Variants in C11orf65 observed in about 807,000 individuals in gnomAD.
C11orf65 encodes the protein protein MFI.
A neutral mutation model predicts 35.3 loss-of-function variants in C11orf65; 38 were observed. That is an observed-to-expected ratio of 1.08 (90% confidence interval 0.83 to 1.41). The LOEUF (loss-of-function observed/expected upper bound fraction) is 1.41, where lower values mean the gene tolerates loss of function less well. Among genes scored for constraint, C11orf65 ranks in the 40% most tolerant of loss-of-function variants. The pLI, the probability that C11orf65 is intolerant of heterozygous loss-of-function variation, is 0.00. For missense variants in C11orf65, 370 were observed against 367.1 expected, an observed-to-expected ratio of 1.01 and a Z score of -0.06; for synonymous variants, 105 against 114.4, an observed-to-expected ratio of 0.92 and a Z score of 0.53.
chr11:108,417,044 T>C (rs1182398436), intron 3 of C11orf65, among the ~76,000 whole-genome samples: 1 of 152,104 alleles, frequency 6.6e-6, no homozygotes, highest in Non-Finnish European at 1.5e-5. Flanking sequence ...AATGATAATA[T>C]ATAGAGAAAA....
chr11:108,381,974 A>G (rs1300451901), downstream of C11orf65, among the ~76,000 whole-genome samples: 1 of 151,964 alleles, frequency 6.6e-6, no homozygotes, highest in African/African-American at 2.4e-5. Flanking sequence ...TTGCTCAGCC[A>G]TGTTATGAGG....
rs58216238 is a variant in C11orf65 at position 108,459,977 on chromosome 11, AAAG to A, written c.81+1499_81+1501del. Among the ~76,000 whole-genome samples the A allele has an allele frequency of 5.8e-3, 886 of 152,298 alleles. 7 individuals carry two copies. Among genetic ancestry groups the A allele is most frequent in the African/African-American group, 0.017 (719 of 41,560 alleles). On this transcript the variant is annotated intron_variant, in intron 2 of 8. Coordinates refer to ENST00000393084, the MANE Select transcript of C11orf65 (RefSeq NM_152587.5). The stretch of plus-strand genomic sequence containing the variant: ...ACCAACTAAGGAAGAATAAGTTTTA[AAAG>A]AAGATTAGCTGGGTATAACAGTGCT...
chr11:108,438,289 C>T (rs576614297), intron 2 of C11orf65, among the ~76,000 whole-genome samples: 17 of 152,240 alleles, frequency 1.1e-4, no homozygotes, highest in African/African-American at 2.9e-4. Flanking sequence ...CAGTGGCTCA[C>T]GCCTATAATT....
chr11:108,430,888 A>C lies in C11orf65; in HGVS notation c.174+858T>G, dbSNP rs184301752. ...AACAAAAAAAAACCCAAAACCCATA[A>C]GGATAGGGAACACACACACACACAC... On this transcript the variant is annotated intron_variant, in intron 3 of 8. Coordinates refer to ENST00000393084, the MANE Select transcript of C11orf65 (RefSeq NM_152587.5). Among the ~76,000 whole-genome samples the C allele has an allele frequency of 2.2e-3, 288 of 131,658 alleles. 9 individuals are homozygous for C. The East Asian group carries it at 0.064, about 29-fold the overall frequency. 86.4% of individuals were successfully genotyped at this position (131,658 alleles called of 152,430 possible).
At chr11:108,389,972 G>T (rs2092110702) in intron 7 of C11orf65, among the ~76,000 whole-genome samples, 1 of 150,702 alleles carries the variant, frequency 6.6e-6, no homozygotes, top group Admixed American at 6.6e-5. Flanking sequence ...GGGATTACAG[G>T]CATGAGCCAC....
chr11:108,322,462 TTTCTC>T (rs1358692878), intron 6 of C11orf65, among the ~76,000 whole-genome samples: 2 of 152,192 alleles, frequency 1.3e-5, no homozygotes, highest in African/African-American at 4.8e-5. Flanking sequence ...CCCCCAATGT[TTTCTC>T]TTCTGGTGAC....
Position 108,416,949 on chromosome 11 carries a change from G to A in C11orf65, c.175-9800C>T, listed in dbSNP as rs540473499. ...GGGGATAATGAGAAATAAGTGCATTGTCTGGGAGAAGATAAAAATGCAAAT... is the reference window on the plus strand; with the variant it reads ...GGGGATAATGAGAAATAAGTGCATTATCTGGGAGAAGATAAAAATGCAAAT... On this transcript the variant is annotated intron_variant, in intron 3 of 8. Transcript: ENST00000393084. Among the ~76,000 whole-genome samples the A allele has an allele frequency of 5.3e-5, 8 of 152,138 alleles. 1 individual carries two copies. In the South Asian group the frequency reaches 1.7e-3, roughly 32 times the overall value.
chr11:108,368,830 T>C (rs1565615076), intron 2 of C11orf65: 1 of 203,752 alleles, frequency 4.9e-6, no homozygotes, highest in East Asian at 7.6e-5. Flanking sequence ...CTAAAATGTA[T>C]GCACTTAGGA....
intron 2 of C11orf65, among the ~76,000 whole-genome samples, chr11:108,438,147 T>C (rs1408353324): frequency 6.6e-6 from 1 of 152,192 alleles, no homozygotes; most frequent in Admixed American, 6.5e-5. Flanking sequence ...AACCATTCAA[T>C]GAAGAGGACA....
intron 2 of C11orf65, chr11:108,340,279 A>C (rs2087382570): frequency 6.6e-6 from 1 of 152,186 alleles, no homozygotes; most frequent in Non-Finnish European, 1.5e-5. Flanking sequence ...ATTTTGTTCC[A>C]TTTCTCTTTC....
At chr11:108,354,014 G>T in intron 2 of C11orf65, 1 of 825,314 alleles carries the variant, frequency 1.2e-6, no homozygotes, top group African/African-American at 1.7e-5. Context: ...CCAGGAGTTT[G>T]AGTCCAGCCT....
Position 108,390,150 on chromosome 11 carries a change from A to G in C11orf65, c.731+3058T>C, listed in dbSNP as rs77154304. Among the ~76,000 whole-genome samples the G allele has an allele frequency of 2.0e-3, 311 of 152,008 alleles. 12 individuals are homozygous for G. In the East Asian group the frequency reaches 0.04, roughly 19 times the overall value. On this transcript the variant is annotated intron_variant, in intron 7 of 8. Coordinates refer to ENST00000393084, the MANE Select transcript of C11orf65 (RefSeq NM_152587.5). ...GCCATTCTCCTGTCTCAGCCTCCCT[A>G]GTAGCTGGGACTACAGGTGCCTGCC...
At chr11:108,353,690 T>C in intron 2 of C11orf65, 1 of 1,225,632 alleles carries the variant, frequency 8.2e-7, no homozygotes, top group African/African-American at 1.5e-5. Context: ...CTTGCCTTTG[T>C]AAAGTTCACA....
At chr11:108,318,033 T>G (rs1336156932) in intron 6 of C11orf65, among the ~76,000 whole-genome samples, 2 of 152,058 alleles carry the variant, frequency 1.3e-5, no homozygotes, top group Non-Finnish European at 2.9e-5. Flanking sequence ...CACAAAGGAC[T>G]GCTTATCTTT....
chr11:108,456,654 C>T (rs1236714395), intron 2 of C11orf65, among the ~76,000 whole-genome samples: 1 of 151,428 alleles, frequency 6.6e-6, no homozygotes, highest in African/African-American at 2.4e-5. Flanking sequence ...TGGTAGTGCA[C>T]ACCTGTAGTC....
chr11:108,383,975 G>A (rs2091927789), intron 8 of C11orf65, among the ~76,000 whole-genome samples: 1 of 149,274 alleles, frequency 6.7e-6, no homozygotes. Context: ...CAACTCTCCC[G>A]CCTCAGCTTC....
At chr11:108,412,174 G>A (rs541961608) in intron 3 of C11orf65, among the ~76,000 whole-genome samples, 1 of 152,146 alleles carries the variant, frequency 6.6e-6, no homozygotes, top group African/African-American at 2.4e-5. Context: ...ATAATAAACA[G>A]ATGGGGTTTT....
downstream of C11orf65, among the ~76,000 whole-genome samples, chr11:108,329,612 T>A (rs2086051568): frequency 6.6e-6 from 1 of 152,158 alleles, no homozygotes; most frequent in South Asian, 2.1e-4. Context: ...GGTTTTGCCA[T>A]GTTGCCCAGG....
rs534431477 is a variant in C11orf65 at position 108,331,657 on chromosome 11, T to TA, written c.300-91dup. Reference sequence around the variant, plus strand: ...TACCATTCCCTCTAAGAAATGGAAATACAAAATTTTGTATTTTTTGTCTTC... The same window carrying TA: ...TACCATTCCCTCTAAGAAATGGAAATAACAAAATTTTGTATTTTTTGTCTTC... On this transcript the variant is annotated intron_variant, in intron 3 of 3. Transcript: ENST00000524755. 193 of 1,413,960 alleles carry TA rather than the reference T, an allele frequency of 1.4e-4. No homozygotes were observed. In the African/African-American group the frequency reaches 2.6e-3, roughly 19 times the overall value. The allele number at this position is 1,413,960 out of a possible 1,614,324, so 87.6% of individuals were successfully genotyped here.
Sources: allele counts gnomAD v4.1 joint callset (sites outside exome capture counted in the v4.1 genomes callset), GRCh38; gene constraint gnomAD v4.1.1; transcripts MANE v1.5; gene names NCBI Gene and HGNC (gene_info 2026-07-23, HGNC 2026-07-21).